ZNF600: variants seen among roughly 807,000 people sequenced by gnomAD.
The protein encoded by ZNF600 is zinc finger protein 600, also known as zinc finger protein KR-ZNF1.
Under a neutral mutation model 7.3 loss-of-function variants are expected in ZNF600, and 4 were observed. The observed-to-expected ratio is 0.55, with a 90% CI of 0.27 to 1.25. ZNF600 has a LOEUF of 1.25. Ranked by LOEUF, ZNF600 falls within the 50% of genes most tolerant of loss-of-function variation. ZNF600 has a pLI of 0.12. For synonymous variants in ZNF600, 290 were observed against 308.9 expected (o/e 0.94, Z 0.64); for missense variants, 911 against 922.1 (o/e 0.99, Z 0.16).
At chr19:52,809,713 G>C in the ZNF600 span, 1 of 391,828 alleles carries the variant, frequency 2.6e-6, no homozygotes, top group Non-Finnish European at 4.5e-6. Context: ...GGCTGAGGCA[G>C]CAAAACGCTT....
At chr19:52,809,958 G>T in the ZNF600 span, 1 of 817,154 alleles carries the variant, frequency 1.2e-6, no homozygotes, top group Non-Finnish European at 2.1e-6. Flanking sequence ...GGGCGCAGGG[G>T]ACGATGGGAA....
chr19:52,801,683 C>G, the ZNF600 span: 1 of 1,611,572 alleles, frequency 6.2e-7, no homozygotes, highest in Admixed American at 1.7e-5. Flanking sequence ...ATGTCTTCAT[C>G]ATGCATTTGG....
upstream of ZNF600, among the ~76,000 whole-genome samples, chr19:52,788,817 G>A (rs1416658195): frequency 6.6e-6 from 1 of 152,182 alleles, no homozygotes; most frequent in Non-Finnish European, 1.5e-5. Flanking sequence ...ACCATTGTAG[G>A]TATTATTGAG....
exon 4 of ZNF600, chr19:52,767,426 T>C (rs372881130): frequency 6.8e-6 from 11 of 1,614,186 alleles, no homozygotes; most frequent in African/African-American, 1.3e-5. Context: ...ACTTCTCAAA[T>C]TGATTACCAA....
At chr19:52,799,386 G>T in the ZNF600 span, 2 of 605,854 alleles carry the variant, frequency 3.3e-6, no homozygotes, top group Non-Finnish European at 5.9e-6. Context: ...TTTCTTATGT[G>T]TTTCAAGGTT....
At chr19:52,781,777 C>A (rs1012736382) in intron 1 of ZNF600, among the ~76,000 whole-genome samples, 1 of 143,402 alleles carries the variant, frequency 7.0e-6, no homozygotes, top group Non-Finnish European at 1.5e-5. Context: ...AAAAAAAAAA[C>A]AGCGGTCAGG....
the ZNF600 span, among the ~76,000 whole-genome samples, chr19:52,793,864 CTCTTTA>C: frequency 1.3e-5 from 2 of 151,828 alleles, no homozygotes; most frequent in Non-Finnish European, 2.9e-5. Flanking sequence ...GTGTAACTTT[CTCTTTA>C]TATTATAAAT....
At chr19:52,803,038 G>A in the ZNF600 span, among the ~76,000 whole-genome samples, 222 of 151,744 alleles carry the variant, frequency 1.5e-3, 1 homozygote, top group African/African-American at 5.1e-3. Context: ...TGGGATTATA[G>A]GCATGAGCCA....
exon 4 of ZNF600, chr19:52,766,007 T>C: frequency 1.2e-6 from 2 of 1,614,136 alleles, no homozygotes; most frequent in South Asian, 2.2e-5. Context: ...AAACCGTACA[T>C]TTGTAAGATT....
the ZNF600 span, among the ~76,000 whole-genome samples, chr19:52,812,762 TA>T: frequency 0.51 from 37,951 of 74,518 alleles, 9,209 homozygotes; most frequent in Non-Finnish European, 0.65. Flanking sequence ...GAATGATCAA[TA>T]AAAAAAAAAA....
At chr19:52,793,276 G>T in the ZNF600 span, among the ~76,000 whole-genome samples, 18,303 of 152,122 alleles carry the variant, frequency 0.12, 2,158 homozygotes, top group African/African-American at 0.3. Context: ...ATGTCATCAG[G>T]ACTTCCTGAG....
chr19:52,781,983 C>A (rs962168179), intron 1 of ZNF600, among the ~76,000 whole-genome samples: 22 of 152,086 alleles, frequency 1.4e-4, no homozygotes, highest in African/African-American at 5.3e-4. Context: ...ATCGCTTGAC[C>A]CCGGGAGGCG....
At chr19:52,804,361 T>G in the ZNF600 span, among the ~76,000 whole-genome samples, 1 of 152,140 alleles carries the variant, frequency 6.6e-6, no homozygotes, top group Non-Finnish European at 1.5e-5. Context: ...AGTGGCATGA[T>G]TCTCCTACCT....
intron 1 of ZNF600, among the ~76,000 whole-genome samples, 129 bp downstream of exon 3, chr19:52,780,452 G>A (rs552063072): frequency 8.4e-4 from 128 of 152,276 alleles, no homozygotes; most frequent in African/African-American, 3.0e-3. Flanking sequence ...CTCAGCCCCA[G>A]GAAGAGGAAA....
In ZNF600 at chr19:52,778,919, A is replaced by T. The variant is rs901464204; in HGVS notation, c.-19-12T>A. The T allele has an allele frequency of 6.3e-6, 10 of 1,582,530 alleles. No individual in the cohort carries two copies. In the African/African-American group the frequency reaches 1.1e-4, roughly 17 times the overall value. ...TTTAGGAATCAATCCTGTATGTGAA[A>T]AAAAATGAGACTTCTTGTTAGAAAT... On this transcript the variant is annotated splice_polypyrimidine_tract_variant and intron_variant, in intron 1 of 3. Transcript: ENST00000648973.
chr19:52,764,527 T>TC, downstream of ZNF600: 1 of 151,314 alleles, frequency 6.6e-6, no homozygotes, highest in East Asian at 1.9e-4. Flanking sequence ...CCTTTTTTTT[T>TC]TTTTTTTTTT....
chr19:52,773,188 C>T (rs2062644675), intron 3 of ZNF600, among the ~76,000 whole-genome samples: 1 of 152,124 alleles, frequency 6.6e-6, no homozygotes, highest in South Asian at 2.1e-4. Context: ...TAGGAGTGAA[C>T]TTTGTGCATG....
At chr19:52,795,716 G>A in the ZNF600 span, among the ~76,000 whole-genome samples, 1 of 151,968 alleles carries the variant, frequency 6.6e-6, no homozygotes, top group Non-Finnish European at 1.5e-5. Flanking sequence ...ACAGGCACTC[G>A]CCACCAAACC....
intron 3 of ZNF600, among the ~76,000 whole-genome samples, chr19:52,772,365 G>C (rs570686980): frequency 7.2e-5 from 11 of 151,942 alleles, no homozygotes; most frequent in Admixed American, 1.3e-4. Context: ...CTCTTTGGGA[G>C]GCTCAGGCAG....
Sources: gnomAD v4.1 joint callset for allele counts (sites outside exome capture counted in the v4.1 genomes callset) on GRCh38, gnomAD v4.1.1 for gene constraint, MANE v1.5 for transcripts, NCBI Gene and HGNC (gene_info 2026-07-23, HGNC 2026-07-21) for gene names.